The following POLR1C variants were observed in gnomAD, a reference collection of about 807,000 sequenced individuals.
POLR1C encodes RNA polymerase I and III subunit C.
A neutral mutation model predicts 38.3 loss-of-function variants in POLR1C; 42 were observed. That is an observed-to-expected ratio of 1.10 (90% CI 0.86 to 1.42). The LOEUF (loss-of-function observed/expected upper bound fraction) is 1.42. Among genes scored for constraint, POLR1C ranks in the 40% most tolerant of loss-of-function variants. POLR1C has a pLI of 0.00. For synonymous variants in POLR1C, 163 were observed against 163.9 expected (o/e 0.99, Z 0.04); for missense variants, 507 against 450.5 (o/e 1.13, Z -1.14).
intron 10 of POLR1C, among the ~76,000 whole-genome samples, chr6:43,557,735 G>A (rs1762172105): frequency 2.2e-5 from 3 of 135,826 alleles, no homozygotes; most frequent in South Asian, 4.7e-4. Context: ...ATTATATACT[G>A]TATGTGGGTG....
intron 2 of POLR1C, among the ~76,000 whole-genome samples, chr6:43,517,842 T>C (rs1035304279): frequency 6.6e-6 from 1 of 152,214 alleles, no homozygotes; most frequent in Admixed American, 6.5e-5. Context: ...TTTGTATTGT[T>C]TCACTTAGCT....
chr6:43,523,028 C>T (rs1159210760), downstream of POLR1C: 5 of 163,924 alleles, frequency 3.1e-5, no homozygotes, highest in African/African-American at 1.2e-4. Context: ...AGCTGCTCAT[C>T]ACAGATGTAG....
chr6:43,526,837 G>T, intron 8 of POLR1C: 2 of 1,349,852 alleles, frequency 1.5e-6, no homozygotes, highest in Admixed American at 1.9e-5. Context: ...ACCTGTCTCT[G>T]GCCAGGTGAG....
At chr6:43,518,688 AT>A (rs1298246161) in intron 2 of POLR1C, among the ~76,000 whole-genome samples, 1 of 151,578 alleles carries the variant, frequency 6.6e-6, no homozygotes, top group Non-Finnish European at 1.5e-5. Flanking sequence ...AAAGGAGGAG[AT>A]TTTTTTCTTT....
intron 8 of POLR1C, chr6:43,526,670 C>G: frequency 6.2e-7 from 1 of 1,613,706 alleles, no homozygotes; most frequent in African/African-American, 1.3e-5. Context: ...TCCAAGGTCT[C>G]ACAGGCTCAC....
At chr6:43,530,210 T>C (rs1170379179), downstream of POLR1C, among the ~76,000 whole-genome samples, 1 of 152,098 alleles carries the variant, frequency 6.6e-6, no homozygotes, top group East Asian at 1.9e-4. Flanking sequence ...TAAGACAAGA[T>C]CATGCCACTG....
rs867299423 is a variant in POLR1C, at chr6:43,517,339, G to A, written c.103G>A (p.Gly35Ser). ...HTTDFPGNYS[G>S]YDDAWDQDRF... is the part of the protein sequence containing the mutation. ...TACTGACTTTCCCGGTAACTATTCC[G>A]GTTATGATGATGCCTGGGACCAGGA... The change falls in exon 2 of 9, where the codon GGT becomes AGT. Residue 35 changes from glycine to serine, a missense_variant. Gly to Ser is a moderately conservative substitution (Grantham distance 56). Coordinates refer to ENST00000642195, the MANE Select transcript of POLR1C (RefSeq NM_203290.4). 6.2e-7 allele frequency: 1 copy of A among 1,614,124 alleles called. No homozygotes were observed. The highest frequency in any genetic ancestry group is 1.3e-5 in the African/African-American group (1 of 75,010).
chr6:43,554,564 A>G (rs551328857), intron 10 of POLR1C, among the ~76,000 whole-genome samples: 80 of 151,730 alleles, frequency 5.3e-4, no homozygotes, highest in African/African-American at 1.7e-3. Flanking sequence ...AGCTAGGATT[A>G]AAGGGGCCCA....
chr6:43,543,706 C>T (rs964586958), intron 9 of POLR1C, among the ~76,000 whole-genome samples: 1 of 151,722 alleles, frequency 6.6e-6, no homozygotes, highest in African/African-American at 2.4e-5. Flanking sequence ...GGAGTCTTCC[C>T]TGTTGCCCAG....
At chr6:43,537,770 T>C (rs1794425296) in intron 9 of POLR1C, among the ~76,000 whole-genome samples, 1 of 151,824 alleles carries the variant, frequency 6.6e-6, no homozygotes, top group South Asian at 2.1e-4. Context: ...ACAAATAAAT[T>C]GAAAAGAAAA....
In POLR1C at chr6:43,519,398, C is replaced by T. The variant is rs537220740; in HGVS notation, c.207C>T (p.Asp69=). Residue 69 remains aspartate, a synonymous_variant, in exon 3 of 9, where the codon GAC becomes GAT. Transcript: ENST00000642195. ...NSLEFDMVGI[D]AAIANAFRRI... ...TGGAGTTTGACATGGTGGGAATTGA[C>T]GCAGCCATTGCCAATGCTTTTCGAC... 2.7e-5 allele frequency: 43 copies of T among 1,613,726 alleles called. No individual in the cohort carries two copies. Among genetic ancestry groups the T allele is most frequent in the Middle Eastern group, 1.6e-4 (1 of 6,062 alleles).
rs575586131 is a variant in POLR1C at position 43,528,017 on chromosome 6, G to A, written c.923-1232G>A. 15 of 865,710 alleles carry A rather than the reference G, an allele frequency of 1.7e-5. No homozygotes were observed. In the South Asian group the frequency reaches 2.0e-4, roughly 12 times the overall value. The allele number at this position is 865,710 out of a possible 1,614,324, so 53.6% of individuals were successfully genotyped here. ...TGCTGGTAACAGCCTGTCCAGACAAGCCATGTATCACCTAGGCTGAGAATG... is the reference window on the plus strand; with the variant it reads ...TGCTGGTAACAGCCTGTCCAGACAAACCATGTATCACCTAGGCTGAGAATG... On this transcript the variant is annotated intron_variant, in intron 8 of 8. Coordinates refer to the POLR1C transcript ENST00000304004.
intron 8 of POLR1C, chr6:43,526,988 T>TTA (rs1307431217): frequency 2.0e-6 from 1 of 506,322 alleles, no homozygotes; most frequent in Non-Finnish European, 3.6e-6. Flanking sequence ...TGAGAGTGAG[T>TTA]GACTAGGAAA....
chr6:43,553,740 G>T (rs531343105), intron 10 of POLR1C: 2 of 763,694 alleles, frequency 2.6e-6, no homozygotes, highest in African/African-American at 3.5e-5. Context: ...CTAACAATGA[G>T]CGGTCTGAAT....
At chr6:43,522,546 C>T (rs774464969), downstream of POLR1C, 14 of 263,488 alleles carry the variant, frequency 5.3e-5, no homozygotes, top group East Asian at 2.2e-4. Context: ...CTCTTGAGAT[C>T]GCCTTCACGA....
intron 8 of POLR1C, chr6:43,527,807 ACT>A (rs757062051): frequency 3.4e-6 from 5 of 1,478,504 alleles, no homozygotes; most frequent in African/African-American, 1.4e-5. Context: ...CCCTAATCAG[ACT>A]CTCTCTGACC....
chr6:43,547,170 G>C, intron 9 of POLR1C: 1 of 346,220 alleles, frequency 2.9e-6, no homozygotes, highest in Admixed American at 4.6e-5. Context: ...CCTACTACTT[G>C]CCAGGTTAAT....
At chr6:43,527,065 AAG>A (rs928541500) in intron 8 of POLR1C, 5 of 274,852 alleles carry the variant, frequency 1.8e-5, no homozygotes, top group African/African-American at 8.5e-5. Flanking sequence ...TAAAAATAAA[AAG>A]AAAATTAACA....
intron 9 of POLR1C, chr6:43,538,811 G>C: frequency 1.2e-6 from 1 of 868,180 alleles, no homozygotes; most frequent in Non-Finnish European, 1.7e-6. Context: ...TATTTTTCTT[G>C]TATAAAAACC....
Sources: allele counts gnomAD v4.1 joint callset (sites outside exome capture counted in the v4.1 genomes callset), GRCh38; gene constraint gnomAD v4.1.1; transcripts MANE v1.5; gene names NCBI Gene and HGNC (gene_info 2026-07-23, HGNC 2026-07-21).